ACSL3: variants seen among roughly 807,000 people sequenced by gnomAD.
ACSL3 encodes the protein acyl-CoA synthetase long chain family member 3.
Under a neutral mutation model 84.7 loss-of-function variants are expected in ACSL3, and 34 were observed. That is an observed-to-expected ratio of 0.40 (90% CI 0.31 to 0.53). ACSL3 has a LOEUF of 0.53. ACSL3 is among the 20% of genes least tolerant of loss of function. The pLI is 0.48. For missense variants in ACSL3, 680 were observed against 873.1 expected, an observed-to-expected ratio of 0.78 and a Z score of 2.79; for synonymous variants, 315 against 299.4, an observed-to-expected ratio of 1.05 and a Z score of -0.54.
rs138586717 is a variant in ACSL3 at position 222,930,985 on chromosome 2, T to C, written c.1732+173T>C. 5.1e-3 allele frequency among the ~76,000 whole-genome samples: 781 copies of C among 152,310 alleles called. 9 individuals are homozygous for C. Among genetic ancestry groups the C allele is most frequent in the African/African-American group, 0.018 (745 of 41,566 alleles). ...TACGGACTGTGGAATTTATGAGGCCTGACATGTTATGAGTTCTCAAAGATG... is the reference window on the plus strand; with the variant it reads ...TACGGACTGTGGAATTTATGAGGCCCGACATGTTATGAGTTCTCAAAGATG... On this transcript the variant is annotated intron_variant, in intron 14 of 16. Coordinates refer to ENST00000357430, the MANE Select transcript of ACSL3 (RefSeq NM_004457.5).
chr2:222,925,538 G>A (rs966241877), intron 11 of ACSL3, among the ~76,000 whole-genome samples: 1 of 151,830 alleles, frequency 6.6e-6, no homozygotes, highest in African/African-American at 2.4e-5. Flanking sequence ...GATTATTTGG[G>A]CCTGGGAGCA....
chr2:222,880,857 C>T (rs1029381875), intron 1 of ACSL3, among the ~76,000 whole-genome samples: 8 of 151,436 alleles, frequency 5.3e-5, no homozygotes, highest in Non-Finnish European at 5.9e-5. Flanking sequence ...AAAAAAAAAC[C>T]TGTCTATTTT....
chr2:222,921,479 A>G (rs766913664), intron 8 of ACSL3, 49 bp downstream of exon 8: 2 of 1,488,230 alleles, frequency 1.3e-6, no homozygotes, highest in Admixed American at 3.5e-5. Flanking sequence ...TATGTCTGTT[A>G]TAATGTTAGC....
intron 16 of ACSL3, 108 bp from the exon 17 acceptor site, chr2:222,941,389 C>T: frequency 1.3e-6 from 1 of 795,700 alleles, no homozygotes; most frequent in Non-Finnish European, 1.9e-6. Flanking sequence ...ATTCATGGTT[C>T]ACTTGTTGGT....
At chr2:222,884,352 C>G (rs1350853574) in intron 1 of ACSL3, among the ~76,000 whole-genome samples, 1 of 152,172 alleles carries the variant, frequency 6.6e-6, no homozygotes, top group Non-Finnish European at 1.5e-5. Flanking sequence ...CTTCTAGGGC[C>G]ACTGCAACAA....
At chr2:222,889,249 A>C (rs189039408) in intron 2 of ACSL3, among the ~76,000 whole-genome samples, 1 of 152,208 alleles carries the variant, frequency 6.6e-6, no homozygotes, top group Admixed American at 6.5e-5. Context: ...GGTACTTAGG[A>C]TATTTGAGGA....
chr2:222,879,129 C>T (rs1695529428), intron 1 of ACSL3, among the ~76,000 whole-genome samples: 1 of 152,122 alleles, frequency 6.6e-6, no homozygotes, highest in Non-Finnish European at 1.5e-5. Context: ...CTATCCTGGT[C>T]AACATGGGTG....
rs191704735 is a variant in ACSL3, at chr2:222,931,468, T to C, written c.1732+656T>C. 5.3e-5 allele frequency among the ~76,000 whole-genome samples: 8 copies of C among 152,146 alleles called. No homozygotes were observed. In the East Asian group the frequency reaches 1.4e-3, roughly 26 times the overall value. On this transcript the variant is annotated intron_variant, in intron 14 of 16. Transcript: ENST00000357430. The stretch of plus-strand genomic sequence containing the variant: ...ATCCCTGTCTTGCTAACTAGAAACC[T>C]GGGAGGAGACTCAAGACTGTTCTCT...
intron 3 of ACSL3, chr2:222,904,998 T>A (rs1344623878): frequency 6.6e-6 from 1 of 152,640 alleles, no homozygotes; most frequent in Non-Finnish European, 1.5e-5. Context: ...GAGTAAGTCC[T>A]TTGCTGCCAG....
chr2:222,892,899 T>C (rs1695877222), intron 2 of ACSL3, among the ~76,000 whole-genome samples: 1 of 152,176 alleles, frequency 6.6e-6, no homozygotes, highest in Non-Finnish European at 1.5e-5. Flanking sequence ...TTGTTTCCCA[T>C]TTATTGCAAG....
At position 222,933,212 on chromosome 2, in the gene ACSL3, T is replaced by C; in HGVS notation, c.1779T>C (p.Ser593=). The change falls in exon 15 of 17, where the codon TCT becomes TCC. Residue 593 remains serine (S), a synonymous_variant. Transcript: ENST00000357430. ...LVKLQAGEYV[S]LGKVEAALKN... is the part of the protein sequence containing the mutation. ...AACTACAGGCAGGGGAATATGTTTCTCTTGGGAAAGTAGAGGCAGCTTTGA... is the reference window on the plus strand; with the variant it reads ...AACTACAGGCAGGGGAATATGTTTCCCTTGGGAAAGTAGAGGCAGCTTTGA... The C allele has an allele frequency of 6.2e-7, 1 of 1,614,050 alleles. No individual in the cohort carries two copies. Among genetic ancestry groups the C allele is most frequent in the Non-Finnish European group, 8.5e-7 (1 of 1,179,992 alleles).
intron 1 of ACSL3, among the ~76,000 whole-genome samples, chr2:222,885,871 T>C (rs1419210475): frequency 1.3e-5 from 2 of 151,846 alleles, no homozygotes; most frequent in African/African-American, 4.8e-5. Flanking sequence ...GCCTCCAGAG[T>C]AGCTGGGACT....
intron 5 of ACSL3, chr2:222,916,733 T>TAA: frequency 6.0e-6 from 2 of 331,906 alleles, no homozygotes; most frequent in Admixed American, 4.6e-5. Flanking sequence ...CTTTCAGGTC[T>TAA]TGAGAACTAG....
At chr2:222,920,508 C>T (rs991589902) in intron 7 of ACSL3, among the ~76,000 whole-genome samples, 1 of 152,162 alleles carries the variant, frequency 6.6e-6, no homozygotes, top group African/African-American at 2.4e-5. Context: ...AAGTTAGTCA[C>T]CATTCTGAAG....
chr2:222,933,182 T>C lies in ACSL3; in HGVS notation c.1749T>C (p.Leu583=). The C allele has an allele frequency of 1.2e-6, 2 of 1,613,188 alleles. No homozygotes were observed. The highest frequency in any genetic ancestry group is 1.7e-6 in the Non-Finnish European group (2 of 1,179,640). The change falls in exon 15 of 17, where the codon CTT becomes CTC. Residue 583 remains leucine, a synonymous_variant. Transcript: ENST00000357430. ...GTTTTGCAGATCGTAAAAAGGACCT[T>C]GTAAAACTACAGGCAGGGGAATATG... is the stretch of plus-strand genomic sequence containing the variant. ...CLKIIDRKKD[L]VKLQAGEYVS...
intron 11 of ACSL3, 92 bp from the exon 12 acceptor site, chr2:222,926,925 T>G: frequency 7.4e-7 from 1 of 1,359,176 alleles, no homozygotes; most frequent in Non-Finnish European, 1.0e-6. Context: ...AATCTCAAAA[T>G]CTCTCATATC....
intron 1 of ACSL3, among the ~76,000 whole-genome samples, chr2:222,885,432 G>A (rs1156464004): frequency 6.6e-6 from 1 of 151,924 alleles, no homozygotes. Flanking sequence ...GTTTTAATTT[G>A]TATTTCCTTG....
chr2:222,889,511 A>G (rs750653143), intron 2 of ACSL3, among the ~76,000 whole-genome samples: 23 of 152,218 alleles, frequency 1.5e-4, no homozygotes, highest in African/African-American at 9.6e-5. Flanking sequence ...CAGAAGTCCC[A>G]TGATTTAAGA....
intron 1 of ACSL3, among the ~76,000 whole-genome samples, chr2:222,862,052 A>T (rs1436312606): frequency 6.6e-6 from 1 of 152,214 alleles, no homozygotes; most frequent in Admixed American, 6.5e-5. Flanking sequence ...CTCGAAAATG[A>T]AAAGGCTGGA....
Sources: gnomAD v4.1 joint callset for allele counts (sites outside exome capture counted in the v4.1 genomes callset) on GRCh38, gnomAD v4.1.1 for gene constraint, MANE v1.5 for transcripts, NCBI Gene and HGNC (gene_info 2026-07-23, HGNC 2026-07-21) for gene names.